The following PAX7 variants were observed in gnomAD, a reference collection of about 807,000 sequenced individuals.
PAX7 encodes paired box protein Pax-7.
PAX7 carries 18 observed loss-of-function variants against 50.7 expected under a neutral mutation model. That is an observed-to-expected ratio of 0.36 (90% CI 0.25 to 0.53). The LOEUF (loss-of-function observed/expected upper bound fraction) is 0.53, where lower values mean the gene tolerates loss of function less well. Ranked by LOEUF, PAX7 falls within the 20% of genes least tolerant of loss-of-function variation. The probability of loss-of-function intolerance (pLI) is 0.93; values close to 1 mark genes in which losing one functional copy is unlikely to be tolerated. For synonymous variants in PAX7, 310 were observed against 290.4 expected (o/e 1.07, Z -0.69); for missense variants, 644 against 702.9 (o/e 0.92, Z 0.95).
chr1:18,700,919 ACTTT>A lies in PAX7; in HGVS notation c.952+103_952+106del. 1 of 1,142,748 alleles carries A rather than the reference ACTTT, an allele frequency of 8.8e-7. No individual in the cohort carries two copies. Among genetic ancestry groups the A allele is most frequent in the Non-Finnish European group, 1.2e-6 (1 of 855,370 alleles). 70.8% of individuals were successfully genotyped at this position (1,142,748 alleles called of 1,614,324 possible). ...CTTCTTTTTTTTATGACCATTTCTT[ACTTT>A]CATGTAAGCAGGCTATTGAGAGCAA... On this transcript the variant is annotated intron_variant, in intron 6 of 8. Coordinates refer to ENST00000420770, the MANE Select transcript of PAX7 (RefSeq NM_001135254.2). This position sits in a 1 kb window ranked among gnomAD's most constrained non-coding sequence, Gnocchi z 4.8.
At chr1:18,653,183 T>C (rs976852840) in intron 4 of PAX7, among the ~76,000 whole-genome samples, 2 of 131,356 alleles carry the variant, frequency 1.5e-5, no homozygotes, top group Non-Finnish European at 3.5e-5. Flanking sequence ...GCTGGGTTTT[T>C]TTCATTTTTT....
At chr1:18,728,990 TCAGC>T (rs2089613627) in intron 7 of PAX7, among the ~76,000 whole-genome samples, 2 of 152,142 alleles carry the variant, frequency 1.3e-5, no homozygotes, top group Non-Finnish European at 2.9e-5. Flanking sequence ...TGCCCAGTCC[TCAGC>T]CTGCTCTGAC....
chr1:18,724,514 G>T (rs779643317), intron 7 of PAX7, among the ~76,000 whole-genome samples: 2 of 152,214 alleles, frequency 1.3e-5, no homozygotes, highest in Non-Finnish European at 2.9e-5. Flanking sequence ...ATTGACAGGT[G>T]CACCCACCTA....
intron 7 of PAX7, among the ~76,000 whole-genome samples, chr1:18,728,672 C>G (rs1402302842): frequency 1.3e-5 from 2 of 148,620 alleles, no homozygotes; most frequent in South Asian, 4.3e-4. Context: ...ACCAGCGTGA[C>G]CAACATAGAG....
chr1:18,662,734 T>C (rs369923178), intron 4 of PAX7, among the ~76,000 whole-genome samples: 3 of 151,970 alleles, frequency 2.0e-5, no homozygotes, highest in African/African-American at 7.2e-5. Context: ...TCATGCTCAG[T>C]TAAATTTTTT....
At chr1:18,698,016 A>C (rs937864097) in intron 5 of PAX7, among the ~76,000 whole-genome samples, 5 of 152,112 alleles carry the variant, frequency 3.3e-5, no homozygotes, top group African/African-American at 1.2e-4. Context: ...AGGGATTAGA[A>C]GGGAAGGGAA....
chr1:18,696,386 G>T (rs1293758234), intron 5 of PAX7, among the ~76,000 whole-genome samples: 2 of 151,500 alleles, frequency 1.3e-5, no homozygotes, highest in East Asian at 3.9e-4. Context: ...CATTTTTTAT[G>T]TGCCAGGCAT....
At chr1:18,715,947 ATCT>A (rs2089414727) in intron 7 of PAX7, among the ~76,000 whole-genome samples, 1 of 151,836 alleles carries the variant, frequency 6.6e-6, no homozygotes, top group Non-Finnish European at 1.5e-5. Flanking sequence ...CTCATTTCCC[ATCT>A]TCTTTCCATC....
At chr1:18,694,389 G>A (rs2089122287) in intron 5 of PAX7, among the ~76,000 whole-genome samples, 1 of 151,576 alleles carries the variant, frequency 6.6e-6, no homozygotes, top group African/African-American at 2.4e-5. Flanking sequence ...AACTCGGTAG[G>A]TGGAGGTTGC....
intron 4 of PAX7, among the ~76,000 whole-genome samples, chr1:18,691,409 T>C (rs574503805): frequency 1.3e-5 from 2 of 152,360 alleles, no homozygotes; most frequent in South Asian, 4.1e-4. Flanking sequence ...TTGAGTCTTA[T>C]GTCATGGACA....
At chr1:18,647,323 A>G (rs531541058) in intron 4 of PAX7, among the ~76,000 whole-genome samples, 31 of 152,278 alleles carry the variant, frequency 2.0e-4, no homozygotes, top group African/African-American at 6.7e-4. Flanking sequence ...GCTAAGTGCT[A>G]CATGGCTTGG....
At chr1:18,659,428 C>T (rs1349196821) in intron 4 of PAX7, among the ~76,000 whole-genome samples, 1 of 152,170 alleles carries the variant, frequency 6.6e-6, no homozygotes, top group East Asian at 1.9e-4. Flanking sequence ...CTCCCAATCC[C>T]ACATCTGTCT....
chr1:18,728,829 C>T (rs971873781), intron 7 of PAX7, among the ~76,000 whole-genome samples: 2 of 151,806 alleles, frequency 1.3e-5, no homozygotes, highest in Non-Finnish European at 2.9e-5. Context: ...CACACCATTG[C>T]ACTCCAGCCT....
intron 4 of PAX7, among the ~76,000 whole-genome samples, chr1:18,684,166 A>C (rs1027031780): frequency 3.3e-5 from 5 of 152,168 alleles, no homozygotes; most frequent in Admixed American, 3.3e-4. Flanking sequence ...CTGGGGAAGA[A>C]GGTGGTGGCT....
intron 4 of PAX7, among the ~76,000 whole-genome samples, chr1:18,671,037 A>G (rs2088741538): frequency 2.0e-5 from 3 of 151,934 alleles, no homozygotes; most frequent in African/African-American, 7.3e-5. Context: ...CCAGCACCCC[A>G]TACCCCCTCG....
At chr1:18,742,626 C>A (rs1553144823) in intron 8 of PAX7, among the ~76,000 whole-genome samples, 1 of 152,208 alleles carries the variant, frequency 6.6e-6, no homozygotes, top group Non-Finnish European at 1.5e-5. Flanking sequence ...CTGACTGCCA[C>A]CAACTCTGCT....
chr1:18,724,232 G>A (rs1158156054), intron 7 of PAX7, among the ~76,000 whole-genome samples: 1 of 145,420 alleles, frequency 6.9e-6, no homozygotes, highest in African/African-American at 2.7e-5. Flanking sequence ...CTGGCTCAAG[G>A]CCTCCCTGCT....
At chr1:18,640,042 T>A (rs1184095984) in intron 4 of PAX7, among the ~76,000 whole-genome samples, 1 of 151,802 alleles carries the variant, frequency 6.6e-6, no homozygotes, top group Non-Finnish European at 1.5e-5. Context: ...ATTTGCAGAC[T>A]TCCTGGGTGT....
Position 18,700,562 on chromosome 1 carries a change from T to G in PAX7, c.787-91T>G. 8.3e-7 allele frequency: 1 copy of G among 1,212,026 alleles called. No individual in the cohort carries two copies. The highest frequency in any genetic ancestry group is 1.7e-5 in the South Asian group (1 of 60,094). The allele number at this position is 1,212,026 out of a possible 1,614,324, so 75.1% of individuals were successfully genotyped here. On this transcript the variant is annotated intron_variant, in intron 5 of 8. Coordinates refer to ENST00000420770, the MANE Select transcript of PAX7 (RefSeq NM_001135254.2). The surrounding 1 kb of genome is among the most constrained non-coding windows in gnomAD (Gnocchi z 4.8). ...GGAGGATGCTGGCTGGATCAGAGGGTGATGGCTTGGGCAACTGGGTCTACA... is the reference window on the plus strand; with the variant it reads ...GGAGGATGCTGGCTGGATCAGAGGGGGATGGCTTGGGCAACTGGGTCTACA...
Sources: allele counts gnomAD v4.1 joint callset (sites outside exome capture counted in the v4.1 genomes callset), GRCh38; gene constraint gnomAD v4.1.1; non-coding constraint Gnocchi (gnomAD v3.1); transcripts MANE v1.5; gene names NCBI Gene and HGNC (gene_info 2026-07-23, HGNC 2026-07-21).